The following FAM227A variants were observed in gnomAD, a reference collection of about 807,000 sequenced individuals.
The protein encoded by FAM227A is protein FAM227A.
Under a neutral mutation model 74.7 loss-of-function variants are expected in FAM227A, and 80 were observed. The ratio of observed to expected loss-of-function variants is 1.07; its 90% CI spans 0.89 to 1.29. The LOEUF is 1.29. FAM227A is among the 50% of genes most tolerant of loss of function. The pLI is 0.00. For synonymous variants in FAM227A, 237 were observed against 241.8 expected (o/e 0.98, Z 0.19); for missense variants, 654 against 683.4 (o/e 0.96, Z 0.48).
chr22:38,649,955 A>G, intron 2 of FAM227A, 72 bp downstream of exon 2: 1 of 1,394,514 alleles, frequency 7.2e-7, no homozygotes, highest in African/African-American at 1.4e-5. Flanking sequence ...CTGAGCACTG[A>G]TTAGATCTCT....
chr22:38,589,899 G>A (rs1453017029), intron 16 of FAM227A, among the ~76,000 whole-genome samples: 2 of 152,020 alleles, frequency 1.3e-5, no homozygotes, highest in African/African-American at 4.8e-5. Flanking sequence ...TCGGGAGTTC[G>A]AGACCAGCCT....
chr22:38,581,451 T>A lies in FAM227A; in HGVS notation c.*4674A>T, dbSNP rs1469767070. The A allele has an allele frequency of 2.6e-5, 4 of 152,156 alleles. No individual in the cohort carries two copies. Among genetic ancestry groups the A allele is most frequent in the Non-Finnish European group, 5.9e-5 (4 of 68,044 alleles). The allele number at this position is 152,156 out of a possible 1,614,324, so 9.4% of individuals were successfully genotyped here. ...CAGAGTTTTAGGAAATATATACACA[T>A]ATTTTTGAGACAGAGTCTCACTGTG... is the stretch of plus-strand genomic sequence containing the variant. On this transcript the variant is annotated 3_prime_UTR_variant, in exon 17 of 17. Transcript: ENST00000535113.
chr22:38,613,532 A>G (rs2091514090), intron 11 of FAM227A, among the ~76,000 whole-genome samples: 1 of 148,040 alleles, frequency 6.8e-6, no homozygotes, highest in Non-Finnish European at 1.5e-5. Flanking sequence ...TCCCAGAGAC[A>G]AAGCTCAGGA....
At chr22:38,635,654 C>G (rs2091989304) in intron 6 of FAM227A, among the ~76,000 whole-genome samples, 1 of 152,150 alleles carries the variant, frequency 6.6e-6, no homozygotes, top group Non-Finnish European at 1.5e-5. Flanking sequence ...TACTCACCCC[C>G]AGAGGCATGA....
intron 15 of FAM227A, 91 bp from the exon 16 acceptor site, chr22:38,591,631 C>T (rs8137599): frequency 0.019 from 15,405 of 832,134 alleles, 195 homozygotes; most frequent in Middle Eastern, 0.026. Flanking sequence ...GATAGATCCA[C>T]GTGACCATTT....
In FAM227A at chr22:38,582,339, C is replaced by G; in HGVS notation, c.*3786G>C. 1 of 1,549,342 alleles carries G rather than the reference C, an allele frequency of 6.5e-7. No homozygotes were observed. The highest frequency in any genetic ancestry group is 8.7e-7 in the Non-Finnish European group (1 of 1,146,108). On this transcript the variant is annotated 3_prime_UTR_variant, in exon 17 of 17. Transcript: ENST00000535113. The stretch of plus-strand genomic sequence containing the variant: ...CAGGACTATAGGATTTTAACTTCAT[C>G]TCTTCTAGTTTAACATCTGAATTTA...
At chr22:38,600,078 G>T (rs548062956) in intron 13 of FAM227A, among the ~76,000 whole-genome samples, 157 bp from the exon 14 acceptor site, 70 of 152,048 alleles carry the variant, frequency 4.6e-4, no homozygotes, top group Admixed American at 4.6e-3. Flanking sequence ...GCAAAAAAAG[G>T]TCAAGGGGCA....
intron 6 of FAM227A, among the ~76,000 whole-genome samples, chr22:38,630,017 T>C (rs1189805148): frequency 7.0e-6 from 1 of 142,334 alleles, no homozygotes; most frequent in East Asian, 2.1e-4. Context: ...GCCTCTCCTT[T>C]ACCATCAGGA....
At chr22:38,643,825 C>T (rs2092168370) in intron 3 of FAM227A, among the ~76,000 whole-genome samples, 1 of 152,088 alleles carries the variant, frequency 6.6e-6, no homozygotes, top group Non-Finnish European at 1.5e-5. Flanking sequence ...AAGAAATGAA[C>T]TATCAAGCCA....
intron 1 of FAM227A, among the ~76,000 whole-genome samples, chr22:38,651,415 C>T (rs2092319893): frequency 6.6e-6 from 1 of 152,148 alleles, no homozygotes; most frequent in African/African-American, 2.4e-5. Context: ...GCTCTGTCGT[C>T]CAGACTGGAG....
chr22:38,640,545 C>T (rs2092093021), intron 3 of FAM227A, among the ~76,000 whole-genome samples: 1 of 152,118 alleles, frequency 6.6e-6, no homozygotes, highest in African/African-American at 2.4e-5. Context: ...GCTAGTGACC[C>T]AAGTTGCATT....
chr22:38,644,013 G>A (rs1460717314), intron 3 of FAM227A, among the ~76,000 whole-genome samples: 1 of 151,972 alleles, frequency 6.6e-6, no homozygotes. Flanking sequence ...CTGGCGTGGT[G>A]GCGGGCGCCT....
In FAM227A at chr22:38,591,490, T is replaced by C. The variant is rs1439300100; in HGVS notation, c.1583A>G (p.His528Arg). Reference protein sequence around the residue: ...PKAADTKKANHMFIPPSAVNE... With the variant: ...PKAADTKKANRMFIPPSAVNE... ...GACGGCTGAAGGTGGGATGAACATG[T>C]GGTTTGCCTTTTTTGTATCTGCTGC... The change falls in exon 16 of 17, where the codon CAC becomes CGC. Residue 528 changes from histidine (H) to arginine (R), a missense_variant. Coordinates refer to ENST00000535113, the MANE Select transcript of FAM227A (RefSeq NM_001013647.2). 2 of 1,549,950 alleles carry C rather than the reference T, an allele frequency of 1.3e-6. No homozygotes were observed. The highest frequency in any genetic ancestry group is 2.4e-5 in the East Asian group (1 of 40,900).
At chr22:38,642,917 C>G (rs533373811) in intron 3 of FAM227A, among the ~76,000 whole-genome samples, 2 of 152,132 alleles carry the variant, frequency 1.3e-5, no homozygotes, top group African/African-American at 4.8e-5. Flanking sequence ...GCCTGGGTGA[C>G]AGAGTGAGAC....
In FAM227A at chr22:38,628,105, G is replaced by A. The variant is rs1433855717; in HGVS notation, c.726+133C>T. ...ACTGTATTTTTGTAACTTCTGCATT[G>A]CAAGTCAGTGTATGGATTATGACAA... On this transcript the variant is annotated intron_variant, in intron 8 of 16. Coordinates refer to ENST00000535113, the MANE Select transcript of FAM227A (RefSeq NM_001013647.2). The A allele has an allele frequency of 2.1e-5, 13 of 622,218 alleles. No individual in the cohort carries two copies. In the Admixed American group the frequency reaches 3.4e-4, roughly 16 times the overall value. 38.5% of individuals were successfully genotyped at this position (622,218 alleles called of 1,614,324 possible).
At position 38,655,530 on chromosome 22, in the gene FAM227A, T is replaced by A. The variant is rs537560442; in HGVS notation, c.-95+590A>T. ...GACTCTGTCTTAAAAAAAAAAAAAA[T>A]TAAATTTTTAAATGGAAGCAGTGCA... On this transcript the variant is annotated intron_variant, in intron 1 of 16. Coordinates refer to ENST00000535113, the MANE Select transcript of FAM227A (RefSeq NM_001013647.2). Among the ~76,000 whole-genome samples the A allele has an allele frequency of 7.2e-5, 11 of 151,892 alleles. No individual in the cohort carries two copies. In the South Asian group the frequency reaches 8.3e-4, roughly 12 times the overall value.
At chr22:38,596,182 A>G (rs563718986) in intron 15 of FAM227A, among the ~76,000 whole-genome samples, 1 of 152,234 alleles carries the variant, frequency 6.6e-6, no homozygotes, top group South Asian at 2.1e-4. Context: ...TTAGCCGGGC[A>G]TGGTGGTGCA....
intron 13 of FAM227A, among the ~76,000 whole-genome samples, chr22:38,602,299 C>G (rs1307285532): frequency 6.6e-6 from 1 of 152,146 alleles, no homozygotes; most frequent in Non-Finnish European, 1.5e-5. Context: ...CCCCCAATGT[C>G]CCCCTGCCCC....
chr22:38,600,334 AATT>A (rs1231298827), intron 13 of FAM227A, among the ~76,000 whole-genome samples: 1 of 149,870 alleles, frequency 6.7e-6, no homozygotes, highest in Non-Finnish European at 1.5e-5. Context: ...ATATATATAT[AATT>A]TTATTTTATT....
Sources: gnomAD v4.1 joint callset for allele counts (sites outside exome capture counted in the v4.1 genomes callset) on GRCh38, gnomAD v4.1.1 for gene constraint, MANE v1.5 for transcripts, NCBI Gene and HGNC (gene_info 2026-07-23, HGNC 2026-07-21) for gene names.